The following CCDC18 variants were observed in gnomAD, a reference collection of about 807,000 sequenced individuals.
The protein encoded by CCDC18 is coiled-coil domain-containing protein 18.
CCDC18 carries 157 observed loss-of-function variants against 196.0 expected under a neutral mutation model. The observed-to-expected ratio is 0.80, with a 90% CI of 0.70 to 0.91. CCDC18 has a LOEUF of 0.91. Among genes scored for constraint, CCDC18 ranks in the 40% least tolerant of loss-of-function variants. The probability of loss-of-function intolerance (pLI) is 0.00; values close to 1 mark genes in which losing one functional copy is unlikely to be tolerated. For synonymous variants in CCDC18, 482 were observed against 529.2 expected (o/e 0.91, Z 1.22); for missense variants, 1,465 against 1,611.6 (o/e 0.91, Z 1.56).
intron 9 of CCDC18, among the ~76,000 whole-genome samples, chr1:93,208,734 T>C (rs560007137): frequency 3.2e-4 from 49 of 152,328 alleles, no homozygotes; most frequent in Admixed American, 2.7e-3. Flanking sequence ...TGGTGCCATC[T>C]TGGCTCATCG....
intron 6 of CCDC18, 87 bp downstream of exon 6, chr1:93,193,831 G>GA (rs1158028198): frequency 4.7e-6 from 5 of 1,072,186 alleles, no homozygotes; most frequent in Non-Finnish European, 5.2e-6. Flanking sequence ...TTTTTGAAGT[G>GA]AAAAAATTTC....
chr1:93,234,936 AGT>A lies in CCDC18; in HGVS notation c.2461-1276_2461-1275del, dbSNP rs3223482. 7.2e-3 allele frequency among the ~76,000 whole-genome samples: 864 copies of A among 119,342 alleles called. 7 individuals carry two copies. The highest frequency in any genetic ancestry group is 0.027 in the Middle Eastern group (6 of 220). 78.3% of individuals were successfully genotyped at this position (119,342 alleles called of 152,430 possible). On this transcript the variant is annotated intron_variant, in intron 18 of 28. Coordinates refer to ENST00000690025, the MANE Select transcript of CCDC18 (RefSeq NM_001378204.1). ...GTGCATACCACCATGCCCAGCTAAG[AGT>A]GTGTGTGTGTGTGTGTGTGTGTGTG...
intron 17 of CCDC18, among the ~76,000 whole-genome samples, chr1:93,230,515 G>C (rs1659084013): frequency 6.6e-6 from 1 of 151,454 alleles, no homozygotes; most frequent in African/African-American, 2.4e-5. Context: ...AAAAACTAAA[G>C]CCGACTGGAG....
intron 27 of CCDC18, among the ~76,000 whole-genome samples, chr1:93,267,560 A>G (rs1349239655): frequency 6.6e-6 from 1 of 152,232 alleles, no homozygotes; most frequent in African/African-American, 2.4e-5. Context: ...CTCAGCCCCA[A>G]ATCTCCTTAA....
intron 9 of CCDC18, among the ~76,000 whole-genome samples, chr1:93,208,312 A>G (rs1331311984): frequency 6.7e-6 from 1 of 148,400 alleles, no homozygotes; most frequent in Non-Finnish European, 1.5e-5. Flanking sequence ...GTGGTATCAC[A>G]TTGTGGTTTT....
intron 9 of CCDC18, among the ~76,000 whole-genome samples, chr1:93,207,617 A>AT (rs1161946617): frequency 1.3e-5 from 2 of 151,996 alleles, no homozygotes; most frequent in East Asian, 1.9e-4. Context: ...ATGGCACAGA[A>AT]TTTTTTTTAA....
intron 18 of CCDC18, among the ~76,000 whole-genome samples, chr1:93,235,506 T>C (rs1372000235): frequency 1.3e-5 from 2 of 152,086 alleles, no homozygotes; most frequent in Non-Finnish European, 2.9e-5. Flanking sequence ...TGGCTATGGG[T>C]TGAAGAATGA....
At chr1:93,223,978 CTGTA>C (rs1657890093) in intron 16 of CCDC18, among the ~76,000 whole-genome samples, 1 of 151,730 alleles carries the variant, frequency 6.6e-6, no homozygotes, top group Non-Finnish European at 1.5e-5. Context: ...AGATGTTTAT[CTGTA>C]TGAGATTCAG....
Position 93,239,383 on chromosome 1 carries a change from C to T in CCDC18, c.2677C>T (p.Arg893Ter), listed in dbSNP as rs746890920. 8.7e-6 allele frequency: 14 copies of T among 1,612,760 alleles called. No individual in the cohort carries two copies. Among genetic ancestry groups the T allele is most frequent in the African/African-American group, 6.7e-5 (5 of 74,802 alleles). The change falls in exon 20 of 29, where the codon CGA becomes TGA. Residue 893 changes from arginine (R) to a stop codon, truncating the protein, a stop_gained. Transcript: ENST00000690025. LOFTEE classifies it high-confidence loss of function. ...GGAAAAGGAAATAATGCACCTAAAA[C>T]GAGATGGAGAAAATAAAGCAATGCA... ...KMEKEIMHLK[R>*]DGENKAMHLS...
intron 21 of CCDC18, among the ~76,000 whole-genome samples, chr1:93,244,245 A>C (rs560699985): frequency 6.6e-6 from 1 of 152,336 alleles, no homozygotes; most frequent in Admixed American, 6.5e-5. Flanking sequence ...CACTGTCACA[A>C]GAATAGCCAA....
chr1:93,245,639 A>AAAAT (rs1356845107), intron 21 of CCDC18, among the ~76,000 whole-genome samples: 1 of 152,118 alleles, frequency 6.6e-6, no homozygotes, highest in Non-Finnish European at 1.5e-5. Flanking sequence ...ATTAGATTTA[A>AAAAT]GTGCTTTTTT....
At chr1:93,276,814 G>C (rs1343748658) in intron 28 of CCDC18, among the ~76,000 whole-genome samples, 1 of 151,884 alleles carries the variant, frequency 6.6e-6, no homozygotes, top group Admixed American at 6.6e-5. Flanking sequence ...ACACCTGTGG[G>C]TGTTTCTCGT....
intron 17 of CCDC18, among the ~76,000 whole-genome samples, chr1:93,230,554 G>GC (rs1331213762): frequency 6.6e-6 from 1 of 151,926 alleles, no homozygotes; most frequent in African/African-American, 2.4e-5. Flanking sequence ...AAATGTCAGT[G>GC]TAAGTTTGAT....
chr1:93,262,754 C>T (rs114583184), intron 26 of CCDC18, among the ~76,000 whole-genome samples: 3,246 of 152,240 alleles, frequency 0.021, 52 homozygotes, highest in Middle Eastern at 0.061. Context: ...TCTTACAGCT[C>T]CACTACCCAG....
chr1:93,259,630 T>TA (rs1456743879), intron 26 of CCDC18, among the ~76,000 whole-genome samples: 4 of 152,228 alleles, frequency 2.6e-5, no homozygotes, highest in Non-Finnish European at 4.4e-5. Context: ...CTTGCTTAAA[T>TA]ACATTTAGAA....
At chr1:93,185,310 A>C (rs1650453824) in intron 3 of CCDC18, among the ~76,000 whole-genome samples, 1 of 151,910 alleles carries the variant, frequency 6.6e-6, no homozygotes, top group African/African-American at 2.4e-5. Context: ...TGCATTTGGC[A>C]ATATTTACCA....
intron 3 of CCDC18, among the ~76,000 whole-genome samples, chr1:93,184,653 A>T (rs1162624249): frequency 6.6e-6 from 1 of 151,718 alleles, no homozygotes; most frequent in Non-Finnish European, 1.5e-5. Flanking sequence ...CCCTGCATTT[A>T]TCCCTCTTCC....
At chr1:93,252,497 G>GT (rs562887599) in intron 23 of CCDC18, among the ~76,000 whole-genome samples, 2 of 151,676 alleles carry the variant, frequency 1.3e-5, no homozygotes, top group East Asian at 3.9e-4. Flanking sequence ...TCTCTGTTAA[G>GT]TTTTTTTGAT....
At chr1:93,202,859 T>C (rs981849919) in intron 7 of CCDC18, among the ~76,000 whole-genome samples, 1 of 152,080 alleles carries the variant, frequency 6.6e-6, no homozygotes, top group Non-Finnish European at 1.5e-5. Context: ...AAGTATAATA[T>C]AGAAATAAGA....
Sources: gnomAD v4.1 joint callset for allele counts (sites outside exome capture counted in the v4.1 genomes callset) on GRCh38, gnomAD v4.1.1 for gene constraint, MANE v1.5 for transcripts, NCBI Gene and HGNC (gene_info 2026-07-23, HGNC 2026-07-21) for gene names.